AK9: variants seen among roughly 807,000 people sequenced by gnomAD.
The protein encoded by AK9 is adenylate kinase 9.
In AK9, 191 loss-of-function variants were observed where a neutral mutation model predicts 239.6. The ratio of observed to expected loss-of-function variants is 0.80; its 90% CI spans 0.71 to 0.90. The LOEUF (loss-of-function observed/expected upper bound fraction) is 0.90. Ranked by LOEUF, AK9 falls within the 40% of genes least tolerant of loss-of-function variation. The probability of loss-of-function intolerance (pLI) is 0.00; values close to 1 mark genes in which losing one functional copy is unlikely to be tolerated. For synonymous variants in AK9, 689 were observed against 721.0 expected (o/e 0.96, Z 0.71); for missense variants, 1,995 against 2,214.7 (o/e 0.90, Z 1.99).
At chr6:109,659,729 C>A (rs1314141218) in intron 6 of AK9, among the ~76,000 whole-genome samples, 1 of 152,058 alleles carries the variant, frequency 6.6e-6, no homozygotes, top group Non-Finnish European at 1.5e-5. Flanking sequence ...GTTAACTCTG[C>A]AAAGGTACAC....
intron 8 of AK9, among the ~76,000 whole-genome samples, chr6:109,650,286 G>C (rs899974446): frequency 6.6e-6 from 1 of 151,860 alleles, no homozygotes. Context: ...ACTACCATCA[G>C]AGTGAACAGG....
intron 12 of AK9, among the ~76,000 whole-genome samples, chr6:109,625,849 T>C (rs1224536519): frequency 6.6e-6 from 1 of 152,170 alleles, no homozygotes; most frequent in African/African-American, 2.4e-5. Flanking sequence ...GACCTGTAAG[T>C]CAATCTATAA....
chr6:109,691,197 G>A lies in AK9; in HGVS notation c.-62C>T, dbSNP rs961354652. ...TCTCGGCAGCACGCAGGTCCCGGGA[G>A]CCTCTACCCGACCTCTCTATGATAC... On this transcript the variant is annotated 5_prime_UTR_variant, in exon 1 of 41. Coordinates refer to ENST00000424296, the MANE Select transcript of AK9 (RefSeq NM_001145128.3). 49 of 586,414 alleles carry A rather than the reference G, an allele frequency of 8.4e-5. No homozygotes were observed. Among genetic ancestry groups the A allele is most frequent in the Non-Finnish European group, 1.2e-4 (39 of 327,260 alleles). The allele number at this position is 586,414 out of a possible 1,614,324, so 36.3% of individuals were successfully genotyped here. A position where few individuals can be genotyped will look rare whatever the true frequency, so the allele number is the denominator to read the frequency against.
Position 109,564,182 on chromosome 6 carries a change from G to T in AK9, c.2533C>A (p.Leu845Ile). The T allele has an allele frequency of 6.4e-7, 1 of 1,551,304 alleles. No homozygotes were observed. The highest frequency in any genetic ancestry group is 8.7e-7 in the Non-Finnish European group (1 of 1,146,816). Residue 845 changes from leucine to isoleucine, a missense_variant, in exon 23 of 41, where the codon CTA becomes ATA. Physicochemically the swap from Leu to Ile is conservative, Grantham distance 5. Coordinates refer to ENST00000424296, the MANE Select transcript of AK9 (RefSeq NM_001145128.3). ...IGSFIILWKQ[L>I]EATISEAYIK... ...TAAGCCTCACTAATTGTTGCTTCTA[G>T]CTGTTTCCAGAGGATGATGAAAGAA...
rs911424137 is a variant in AK9, at chr6:109,664,273, T to C, written c.332-1610A>G. On this transcript the variant is annotated intron_variant, in intron 5 of 40. Transcript: ENST00000424296. ...TAAGAGAGTCTTGTGCCCCAAAAGT[T>C]TGAGAACCACTATCTTAATGCAATG... is the stretch of plus-strand genomic sequence containing the variant. Among the ~76,000 whole-genome samples, 6 of 152,234 alleles carry C rather than the reference T, an allele frequency of 3.9e-5. No individual in the cohort carries two copies. The East Asian group carries it at 1.2e-3, about 29-fold the overall frequency.
At chr6:109,545,810 A>G (rs1783477608) in intron 26 of AK9, 57 bp downstream of exon 26, 5 of 1,536,546 alleles carry the variant, frequency 3.3e-6, no homozygotes, top group Non-Finnish European at 4.4e-6. Context: ...CTCAAAAACA[A>G]CAACAATAAC....
chr6:109,590,538 C>T (rs1790073280), intron 17 of AK9, among the ~76,000 whole-genome samples: 1 of 151,612 alleles, frequency 6.6e-6, no homozygotes, highest in African/African-American at 2.4e-5. Context: ...TGTTTTTGGT[C>T]TCAGTTTCAT....
Position 109,619,213 on chromosome 6 carries a change from A to C in AK9, c.1278T>G (p.Val426=). The C allele has an allele frequency of 6.5e-7, 1 of 1,549,026 alleles. No homozygotes were observed. Among genetic ancestry groups the C allele is most frequent in the Non-Finnish European group, 8.7e-7 (1 of 1,146,022 alleles). ...KGKVVDYAQL[V]QPRFDKARET... is the part of the protein sequence containing the mutation. ...CACGGGCTTTATCAAAACGTGGCTG[A>C]ACAAGTTGGGCATAGTCGACTACCT... The change falls in exon 13 of 41, where the codon GTT becomes GTG. Residue 426 remains valine, a synonymous_variant. Transcript: ENST00000424296.
intron 17 of AK9, among the ~76,000 whole-genome samples, chr6:109,587,062 C>T (rs1049725269): frequency 2.0e-5 from 3 of 152,056 alleles, no homozygotes; most frequent in African/African-American, 7.2e-5. Context: ...CCCCCTTTAG[C>T]CTCCTGAGTA....
At chr6:109,670,865 A>G (rs1006869320) in intron 5 of AK9, among the ~76,000 whole-genome samples, 1 of 152,170 alleles carries the variant, frequency 6.6e-6, no homozygotes, top group Non-Finnish European at 1.5e-5. Flanking sequence ...TCACTGCTGA[A>G]CAAATAGGTA....
At chr6:109,690,896 G>A (rs535341131) in intron 1 of AK9, among the ~76,000 whole-genome samples, 17 of 152,236 alleles carry the variant, frequency 1.1e-4, no homozygotes, top group African/African-American at 3.4e-4. Context: ...ACACAGCGTA[G>A]GTACAACATG....
chr6:109,532,314 T>C (rs990408491), intron 28 of AK9, among the ~76,000 whole-genome samples: 2 of 152,232 alleles, frequency 1.3e-5, no homozygotes, highest in Admixed American at 6.5e-5. Context: ...ATGGTAGTTC[T>C]TTCCCTTGAG....
chr6:109,509,499 C>T, intron 32 of AK9, 119 bp from the exon 33 acceptor site: 1 of 884,714 alleles, frequency 1.1e-6, no homozygotes, highest in Non-Finnish European at 1.7e-6. Context: ...ATGATCCTGT[C>T]CCCCAAGTAG....
intron 17 of AK9, 111 bp downstream of exon 17, chr6:109,610,254 G>T: frequency 7.8e-7 from 1 of 1,286,746 alleles, no homozygotes; most frequent in East Asian, 2.5e-5. Flanking sequence ...GAATTTGAAG[G>T]CTACAAATTT....
intron 10 of AK9, among the ~76,000 whole-genome samples, chr6:109,638,529 G>A (rs1334522469): frequency 1.3e-5 from 2 of 152,010 alleles, no homozygotes; most frequent in Non-Finnish European, 2.9e-5. Context: ...ACGCAGGCTG[G>A]AGTGCAAGTG....
intron 8 of AK9, among the ~76,000 whole-genome samples, chr6:109,656,317 A>ATGT (rs1799694904): frequency 1.3e-5 from 2 of 152,262 alleles, no homozygotes; most frequent in Non-Finnish European, 2.9e-5. Context: ...ATAATGGGAT[A>ATGT]ACCATAGACC....
chr6:109,569,511 A>C (rs1046446918), intron 21 of AK9, among the ~76,000 whole-genome samples: 12 of 152,184 alleles, frequency 7.9e-5, no homozygotes, highest in Middle Eastern at 3.2e-3. Context: ...AATGGGAGAA[A>C]ATTTTTGCAA....
chr6:109,508,228 T>C (rs1396715706), intron 33 of AK9, among the ~76,000 whole-genome samples: 1 of 152,138 alleles, frequency 6.6e-6, no homozygotes, highest in Non-Finnish European at 1.5e-5. Context: ...GAGGGTGCAA[T>C]TGTTGTTTTT....
intron 12 of AK9, chr6:109,632,435 C>T (rs941445069): frequency 5.6e-5 from 30 of 535,226 alleles, no homozygotes; most frequent in Non-Finnish European, 7.2e-5. Context: ...ACTTTTACTG[C>T]TATCACTCTT....
Sources: gnomAD v4.1 joint callset for allele counts (sites outside exome capture counted in the v4.1 genomes callset) on GRCh38, gnomAD v4.1.1 for gene constraint, MANE v1.5 for transcripts, NCBI Gene and HGNC (gene_info 2026-07-23, HGNC 2026-07-21) for gene names.